The following RAPGEF1 variants were observed in gnomAD, a reference collection of about 807,000 sequenced individuals.
The protein encoded by RAPGEF1 is Rap guanine nucleotide exchange factor 1.
RAPGEF1 carries 33 observed loss-of-function variants against 143.3 expected under a neutral mutation model. That is an observed-to-expected ratio of 0.23 (90% CI 0.17 to 0.31). RAPGEF1 has a LOEUF of 0.31. RAPGEF1 is among the 10% of genes least tolerant of loss of function. RAPGEF1 has a pLI of 1.00. For synonymous variants in RAPGEF1, 629 were observed against 676.5 expected (o/e 0.93, Z 1.09); for missense variants, 1,199 against 1,645.4 (o/e 0.73, Z 4.69).
intron 1 of RAPGEF1, among the ~76,000 whole-genome samples, chr9:131,665,984 G>C (rs1830364728): frequency 6.6e-6 from 1 of 152,162 alleles, no homozygotes; most frequent in Non-Finnish European, 1.5e-5. Context: ...TTTGGAATCT[G>C]GCACTTAGCC....
chr9:131,732,693 C>A (rs1292731595), intron 1 of RAPGEF1, among the ~76,000 whole-genome samples: 1 of 152,074 alleles, frequency 6.6e-6, no homozygotes, highest in Non-Finnish European at 1.5e-5. Context: ...TCCTAATTGG[C>A]AATTTGAAAC....
intron 1 of RAPGEF1, among the ~76,000 whole-genome samples, chr9:131,669,504 G>T (rs1831003543): frequency 6.6e-6 from 1 of 152,154 alleles, no homozygotes; most frequent in Non-Finnish European, 1.5e-5. Context: ...CAAAGCACTT[G>T]CAAGGTGCTG....
chr9:131,584,261 G>GCGGCC lies in RAPGEF1; in HGVS notation c.3414+45_3414+49dup. 1 of 1,501,258 alleles carries GCGGCC rather than the reference G, an allele frequency of 6.7e-7. No individual in the cohort carries two copies. Among genetic ancestry groups the GCGGCC allele is most frequent in the Non-Finnish European group, 9.1e-7 (1 of 1,097,456 alleles). 93.0% of individuals were successfully genotyped at this position (1,501,258 alleles called of 1,614,324 possible). On this transcript the variant is annotated intron_variant, in intron 24 of 26. Coordinates refer to ENST00000683357, the MANE Select transcript of RAPGEF1 (RefSeq NM_001377935.1). The surrounding 1 kb of genome is among the most constrained non-coding windows in gnomAD (Gnocchi z 6.8). ...CCACAGCTAGTCGCCTGAGGGCTGGGCGGCCCCCCTTACCAGCCACCCTCC... is the reference window on the plus strand; with the variant it reads ...CCACAGCTAGTCGCCTGAGGGCTGGGCGGCCCGGCCCCCCTTACCAGCCACCCTCC...
At chr9:131,654,181 A>G (rs1476097562) in intron 1 of RAPGEF1, among the ~76,000 whole-genome samples, 1 of 152,206 alleles carries the variant, frequency 6.6e-6, no homozygotes, top group Non-Finnish European at 1.5e-5. Context: ...CCTGGTGTAC[A>G]AAAGTATTCT....
At chr9:131,622,184 G>T (rs1961319442) in intron 10 of RAPGEF1, among the ~76,000 whole-genome samples, 186 bp from the exon 11 acceptor site, 1 of 152,122 alleles carries the variant, frequency 6.6e-6, no homozygotes, top group African/African-American at 2.4e-5. Context: ...GCTAACGGAG[G>T]AGACACGTCC....
At position 131,739,874 on chromosome 9, in the gene RAPGEF1, C is replaced by T. The variant is rs1837643138; in HGVS notation, c.-44G>A. The stretch of plus-strand genomic sequence containing the variant: ...CCGCGGGGCGACAGGGGCGGCGCGC[C>T]CGCCGCTCGCCTCGGCCCTGGCTCG... On this transcript the variant is annotated 5_prime_UTR_variant, in exon 1 of 27. Transcript: ENST00000683357. 1.0e-6 allele frequency: 1 copy of T among 982,738 alleles called. No individual in the cohort carries two copies. Among genetic ancestry groups the T allele is most frequent in the Non-Finnish European group, 1.2e-6 (1 of 828,248 alleles). The allele number at this position is 982,738 out of a possible 1,614,324, so 60.9% of individuals were successfully genotyped here. A position where few individuals can be genotyped will look rare whatever the true frequency, so the allele number is the denominator to read the frequency against.
chr9:131,658,986 G>A lies in RAPGEF1; in HGVS notation c.62-8037C>T, dbSNP rs539434800. ...GGGAGTCTCTAAACATCAACCACAC[G>A]GGATCACAAAGTCAAGGGCAAGGTG... On this transcript the variant is annotated intron_variant, in intron 1 of 26. Coordinates refer to ENST00000683357, the MANE Select transcript of RAPGEF1 (RefSeq NM_001377935.1). Among the ~76,000 whole-genome samples the A allele has an allele frequency of 5.3e-4, 80 of 152,290 alleles. No individual in the cohort carries two copies. The South Asian group carries it at 8.9e-3, about 17-fold the overall frequency.
intron 6 of RAPGEF1, 99 bp from the exon 7 acceptor site, chr9:131,629,353 G>T (rs1964221107): frequency 8.2e-7 from 1 of 1,213,358 alleles, no homozygotes; most frequent in South Asian, 1.4e-5. Flanking sequence ...GAAGAACACA[G>T]TGGGTGAGGT....
At chr9:131,725,879 C>G (rs1836629740) in intron 1 of RAPGEF1, among the ~76,000 whole-genome samples, 1 of 150,866 alleles carries the variant, frequency 6.6e-6, no homozygotes, top group South Asian at 2.1e-4. Context: ...CTGCCTCAGC[C>G]TCCCGAGTAG....
At chr9:131,736,852 T>C (rs940509882) in intron 1 of RAPGEF1, among the ~76,000 whole-genome samples, 3 of 152,156 alleles carry the variant, frequency 2.0e-5, no homozygotes, top group African/African-American at 7.2e-5. Flanking sequence ...CAACAATTGT[T>C]TGCCTGGTGT....
Position 131,580,407 on chromosome 9 carries a change from A to T in RAPGEF1, c.3513-16T>A. ...GATCAGCCCCCTGGGAGGACGGGTT[A>T]GGCAGCCTGTTACTGCTACGGGGTT... On this transcript the variant is annotated splice_polypyrimidine_tract_variant and intron_variant, in intron 25 of 26. Coordinates refer to ENST00000683357, the MANE Select transcript of RAPGEF1 (RefSeq NM_001377935.1). 1 of 1,611,524 alleles carries T rather than the reference A, an allele frequency of 6.2e-7. No individual in the cohort carries two copies. The highest frequency in any genetic ancestry group is 2.2e-5 in the East Asian group (1 of 44,792).
At chr9:131,724,643 T>C (rs996906940) in intron 1 of RAPGEF1, among the ~76,000 whole-genome samples, 2 of 152,182 alleles carry the variant, frequency 1.3e-5, no homozygotes, top group Non-Finnish European at 2.9e-5. Flanking sequence ...ATTGTTATTT[T>C]CAGCATCCAC....
intron 1 of RAPGEF1, among the ~76,000 whole-genome samples, chr9:131,676,947 T>A (rs1209296749): frequency 6.7e-6 from 1 of 149,046 alleles, no homozygotes; most frequent in Non-Finnish European, 1.5e-5. Context: ...GGCCCAGCAA[T>A]CTGTTTTAAC....
chr9:131,664,636 A>T (rs553744641), intron 1 of RAPGEF1, among the ~76,000 whole-genome samples: 2 of 152,186 alleles, frequency 1.3e-5, no homozygotes, highest in Non-Finnish European at 2.9e-5. Flanking sequence ...TTTCTTCAGA[A>T]TTGCTACACG....
At chr9:131,679,320 G>A (rs1040376909) in intron 1 of RAPGEF1, among the ~76,000 whole-genome samples, 3 of 152,202 alleles carry the variant, frequency 2.0e-5, no homozygotes, top group Admixed American at 1.3e-4. Flanking sequence ...TGGGCCAAAT[G>A]ATGTGGGATG....
At chr9:131,590,454 C>T (rs1364873467) in intron 18 of RAPGEF1, among the ~76,000 whole-genome samples, 1 of 152,198 alleles carries the variant, frequency 6.6e-6, no homozygotes, top group Non-Finnish European at 1.5e-5. Flanking sequence ...TGCAAGGGAA[C>T]TCTCACCTCC....
intron 20 of RAPGEF1, among the ~76,000 whole-genome samples, chr9:131,588,442 A>G (rs1953575911): frequency 6.6e-6 from 1 of 152,220 alleles, no homozygotes; most frequent in Non-Finnish European, 1.5e-5. Flanking sequence ...GTATAGGTGC[A>G]AATGACACTC....
At chr9:131,591,049 C>T (rs577617212) in intron 18 of RAPGEF1, among the ~76,000 whole-genome samples, 6 of 152,388 alleles carry the variant, frequency 3.9e-5, no homozygotes, top group South Asian at 4.1e-4. Flanking sequence ...GTGTAAAGCA[C>T]ATCTCGCCTG....
At chr9:131,603,880 C>A (rs909523287) in intron 14 of RAPGEF1, 81 bp downstream of exon 14, 6 of 829,276 alleles carry the variant, frequency 7.2e-6, no homozygotes, top group Non-Finnish European at 1.0e-5. Flanking sequence ...GAAGCAGGTG[C>A]GGGGGAAGCG....
Sources: allele counts gnomAD v4.1 joint callset (sites outside exome capture counted in the v4.1 genomes callset), GRCh38; gene constraint gnomAD v4.1.1; non-coding constraint Gnocchi (gnomAD v3.1); transcripts MANE v1.5; gene names NCBI Gene and HGNC (gene_info 2026-07-23, HGNC 2026-07-21).